CECR2: variants seen among roughly 807,000 people sequenced by gnomAD.
CECR2 encodes the protein chromatin remodeling regulator CECR2.
CECR2 carries 30 observed loss-of-function variants against 154.5 expected under a neutral mutation model. The observed-to-expected ratio is 0.19, with a 90% CI of 0.15 to 0.26. CECR2 has a LOEUF of 0.26. Among genes scored for constraint, CECR2 ranks in the 10% least tolerant of loss-of-function variants. CECR2 has a pLI of 1.00. For missense variants in CECR2, 1,743 were observed against 1,829.3 expected, an observed-to-expected ratio of 0.95 and a Z score of 0.86; for synonymous variants, 725 against 683.7, an observed-to-expected ratio of 1.06 and a Z score of -0.94.
chr22:17,548,872 C>T lies in CECR2; in HGVS notation c.3585C>T (p.His1195=), dbSNP rs2056659134. The T allele has an allele frequency of 6.2e-7, 1 of 1,613,212 alleles. No individual in the cohort carries two copies. The highest frequency in any genetic ancestry group is 8.5e-7 in the Non-Finnish European group (1 of 1,179,434). ...SYHPPPQPSY[H]HYQRTPYYAC... ...ACCCACCGCCACAGCCTTCCTACCA[C>T]CACTATCAGCGAACTCCTTACTATG... Residue 1195 remains histidine, a synonymous_variant, in exon 17 of 19, where the codon CAC becomes CAT. Transcript: ENST00000262608.
chr22:17,404,939 G>A (rs1358123379), intron 1 of CECR2, among the ~76,000 whole-genome samples: 1 of 152,072 alleles, frequency 6.6e-6, no homozygotes, highest in African/African-American at 2.4e-5. Flanking sequence ...TAGAAAATGG[G>A]CCTCTTAACA....
intron 1 of CECR2, among the ~76,000 whole-genome samples, chr22:17,436,299 G>A (rs1023682570): frequency 1.3e-5 from 2 of 152,144 alleles, no homozygotes; most frequent in Non-Finnish European, 2.9e-5. Flanking sequence ...CTTAAATTAT[G>A]CCAACTACAG....
At position 17,407,710 on chromosome 22, in the gene CECR2, G is replaced by A. The variant is rs191631543; in HGVS notation, c.126+37801G>A. ...ACCCTGTCTAACAGTGGTTCTCAACGGGGTGATTTGCCCTCTTAGAGGACT... is the reference window on the plus strand; with the variant it reads ...ACCCTGTCTAACAGTGGTTCTCAACAGGGTGATTTGCCCTCTTAGAGGACT... On this transcript the variant is annotated intron_variant, in intron 1 of 18. Transcript: ENST00000262608. Among the ~76,000 whole-genome samples, 150 of 152,284 alleles carry A rather than the reference G, an allele frequency of 9.9e-4. 1 individual carries two copies. Among genetic ancestry groups the A allele is most frequent in the African/African-American group, 3.4e-3 (142 of 41,554 alleles).
At chr22:17,473,381 TAG>T (rs1411859553) in intron 1 of CECR2, among the ~76,000 whole-genome samples, 4 of 152,178 alleles carry the variant, frequency 2.6e-5, no homozygotes, top group Non-Finnish European at 5.9e-5. Context: ...AGGTTTTTAG[TAG>T]AGTCCCTTAT....
intron 1 of CECR2, among the ~76,000 whole-genome samples, chr22:17,377,319 G>T (rs2063129780): frequency 6.6e-6 from 1 of 152,170 alleles, no homozygotes; most frequent in Non-Finnish European, 1.5e-5. Context: ...GAGACTTGAA[G>T]ATTGACATGT....
intron 1 of CECR2, among the ~76,000 whole-genome samples, chr22:17,362,887 GCGAAA>G (rs1453577342): frequency 7.1e-5 from 9 of 127,488 alleles, no homozygotes; most frequent in African/African-American, 2.7e-4. Flanking sequence ...GGGCGACAGA[GCGAAA>G]CTCCGTCTCA....
At chr22:17,480,549 A>G (rs2055292050) in intron 2 of CECR2, among the ~76,000 whole-genome samples, 1 of 152,154 alleles carries the variant, frequency 6.6e-6, no homozygotes, top group African/African-American at 2.4e-5. Context: ...GACAAGAAAG[A>G]ACACTACAAT....
At position 17,433,320 on chromosome 22, in the gene CECR2, CT is replaced by C. The variant is rs2054455201; in HGVS notation, c.127-44267del. Among the ~76,000 whole-genome samples the C allele has an allele frequency of 6.6e-5, 10 of 152,264 alleles. 1 individual carries two copies. In the South Asian group the frequency reaches 2.1e-3, roughly 32 times the overall value. On this transcript the variant is annotated intron_variant, in intron 1 of 18. Transcript: ENST00000262608. ...GTTTGGGGAAAGTTTATGTGTAGAA[CT>C]GATAAAGGTATTTTAAAGGTTGTCA...
intron 2 of CECR2, among the ~76,000 whole-genome samples, chr22:17,482,101 C>G (rs368683722): frequency 9.6e-6 from 1 of 104,316 alleles, no homozygotes; most frequent in African/African-American, 4.2e-5. Context: ...GGTGACAGAT[C>G]GAGACTCTGT....
At position 17,392,420 on chromosome 22, in the gene CECR2, G is replaced by A. The variant is rs528730380; in HGVS notation, c.126+22511G>A. 3.9e-5 allele frequency among the ~76,000 whole-genome samples: 6 copies of A among 152,228 alleles called. No homozygotes were observed. In the East Asian group the frequency reaches 7.8e-4, roughly 20 times the overall value. ...GGAGAATCGCTTGAACCTGGGAGGCGGAGGTTGCAGTGAGCCAAGATCGTG... is the reference window on the plus strand; with the variant it reads ...GGAGAATCGCTTGAACCTGGGAGGCAGAGGTTGCAGTGAGCCAAGATCGTG... On this transcript the variant is annotated intron_variant, in intron 1 of 18. Coordinates refer to ENST00000262608, the MANE Select transcript of CECR2 (RefSeq NM_001290047.2).
intron 2 of CECR2, among the ~76,000 whole-genome samples, chr22:17,495,372 T>C (rs1368816794): frequency 1.3e-5 from 2 of 151,800 alleles, no homozygotes; most frequent in Non-Finnish European, 2.9e-5. Flanking sequence ...AGTTCAAGAC[T>C]AGCCTGGCCA....
At chr22:17,403,918 G>C (rs116427900) in intron 1 of CECR2, among the ~76,000 whole-genome samples, 1 of 151,946 alleles carries the variant, frequency 6.6e-6, no homozygotes, top group Non-Finnish European at 1.5e-5. Flanking sequence ...AAGTTGGTGG[G>C]GTTTTTTTTG....
intron 1 of CECR2, among the ~76,000 whole-genome samples, chr22:17,386,102 A>G (rs558407312): frequency 1.5e-3 from 227 of 152,332 alleles, no homozygotes; most frequent in African/African-American, 5.2e-3. Context: ...GGTACCACTC[A>G]TGGTCACAGG....
Position 17,499,029 on chromosome 22 carries a change from G to A in CECR2, c.406-381G>A, listed in dbSNP as rs375179290. Among the ~76,000 whole-genome samples, 150 of 151,772 alleles carry A rather than the reference G, an allele frequency of 9.9e-4. No homozygotes were observed. In the South Asian group the frequency reaches 0.027, roughly 27 times the overall value. Reference sequence around the variant, plus strand: ...GTTTGAGACAGAGTCTCTCTCTGTCGCCCAGGCTGGAGTGCAGTGGCATGA... The same window carrying A: ...GTTTGAGACAGAGTCTCTCTCTGTCACCCAGGCTGGAGTGCAGTGGCATGA... On this transcript the variant is annotated intron_variant, in intron 3 of 18. Coordinates refer to ENST00000262608, the MANE Select transcript of CECR2 (RefSeq NM_001290047.2).
rs544010816 is a variant in CECR2 at position 17,456,307 on chromosome 22, T to C, written c.127-21281T>C. 2.7e-3 allele frequency among the ~76,000 whole-genome samples: 414 copies of C among 152,324 alleles called. 3 individuals carry two copies. The Middle Eastern group carries it at 0.041, about 15-fold the overall frequency. ...CACACTTTTATTATATTTTATAATATGCCGTATTTTCTGGCCATCTTGGTT... is the reference window on the plus strand; with the variant it reads ...CACACTTTTATTATATTTTATAATACGCCGTATTTTCTGGCCATCTTGGTT... On this transcript the variant is annotated intron_variant, in intron 1 of 18. Coordinates refer to ENST00000262608, the MANE Select transcript of CECR2 (RefSeq NM_001290047.2).
Position 17,542,985 on chromosome 22 carries a change from G to C in CECR2, c.2842G>C (p.Glu948Gln), listed in dbSNP as rs1250155010. ...GRAPENSEAQ[E>Q]PENDQAEPLP... ...GGCACCGGAGAACAGTGAAGCACAA[G>C]AGCCTGAGAATGACCAAGGTAATTT... Residue 948 changes from glutamate to glutamine, a missense_variant, in exon 16 of 19, where the codon GAG (glutamate) becomes CAG (glutamine). Around this residue, in one of 4 missense-constraint regions of CECR2, gnomAD observed 1,250 missense variants for 1,192.1 expected, o/e 1.05. Coordinates refer to ENST00000262608, the MANE Select transcript of CECR2 (RefSeq NM_001290047.2). 1.2e-6 allele frequency: 2 copies of C among 1,609,632 alleles called. No homozygotes were observed. Among genetic ancestry groups the C allele is most frequent in the Non-Finnish European group, 1.7e-6 (2 of 1,177,514 alleles).
At chr22:17,395,816 T>C (rs762660753) in intron 1 of CECR2, among the ~76,000 whole-genome samples, 2 of 152,192 alleles carry the variant, frequency 1.3e-5, no homozygotes, top group Non-Finnish European at 1.5e-5. Context: ...TTTTATTTTG[T>C]TGTAAAAGGG....
In CECR2 at chr22:17,553,672, C is replaced by T. The variant is rs1022667825; in HGVS notation, c.*832C>T. ...TTCAGCCCGGAAGACAGGCTGCTCT[C>T]TCATGCTGGTGGCCCAAATTGAGAA... On this transcript the variant is annotated 3_prime_UTR_variant, in exon 19 of 19. Transcript: ENST00000262608. The T allele has an allele frequency of 1.3e-5, 2 of 152,226 alleles. No individual in the cohort carries two copies. Among genetic ancestry groups the T allele is most frequent in the African/African-American group, 4.8e-5 (2 of 41,454 alleles). The allele number at this position is 152,226 out of a possible 1,614,324, so 9.4% of individuals were successfully genotyped here.
Position 17,540,423 on chromosome 22 carries a change from A to T in CECR2, c.1507A>T (p.Met503Leu). The T allele has an allele frequency of 6.5e-7, 1 of 1,547,484 alleles. No individual in the cohort carries two copies. The highest frequency in any genetic ancestry group is 8.7e-7 in the Non-Finnish European group (1 of 1,146,040). Residue 503 changes from methionine (M) to leucine (L), a missense_variant, in exon 14 of 19, where the codon ATG becomes TTG. Met to Leu is a conservative substitution (Grantham distance 15). Coordinates refer to ENST00000262608, the MANE Select transcript of CECR2 (RefSeq NM_001290047.2). ...CTGTCTTCCTATAGAGTATACCAAG[A>T]TGTCTGATAATTTAGAGAGGTGTTT... The part of the protein sequence containing the change: ...YNGESSEYTK[M>L]SDNLERCFHR...
Sources: gnomAD v4.1 joint callset for allele counts (sites outside exome capture counted in the v4.1 genomes callset) on GRCh38, gnomAD v4.1.1 for gene constraint, gnomAD v4.1.1 regional missense constraint, MANE v1.5 for transcripts, NCBI Gene and HGNC (gene_info 2026-07-23, HGNC 2026-07-21) for gene names.